The following KCNJ16 variants were observed in gnomAD, a reference collection of about 807,000 sequenced individuals.
KCNJ16 encodes potassium inwardly rectifying channel subfamily J member 16, also known as inward rectifier potassium channel 16.
A neutral mutation model predicts 18.5 loss-of-function variants in KCNJ16; 15 were observed. The observed-to-expected ratio is 0.81, with a 90% CI of 0.54 to 1.25. The LOEUF (loss-of-function observed/expected upper bound fraction) is 1.25. Ranked by LOEUF, KCNJ16 falls within the 50% of genes most tolerant of loss-of-function variation. The probability of loss-of-function intolerance (pLI) is 0.00; values close to 1 mark genes in which losing one functional copy is unlikely to be tolerated. For synonymous variants in KCNJ16, 174 were observed against 186.5 expected, an observed-to-expected ratio of 0.93 and a Z score of 0.55; for missense variants, 523 against 525.7, an observed-to-expected ratio of 0.99 and a Z score of 0.05.
At chr17:70,099,810 A>T (rs1442356077) in intron 1 of KCNJ16, among the ~76,000 whole-genome samples, 1 of 152,188 alleles carries the variant, frequency 6.6e-6, no homozygotes, top group Non-Finnish European at 1.5e-5. Flanking sequence ...ATTAAGCCTC[A>T]CTGTTAAGTT....
At chr17:70,126,992 T>G (rs1419635831) in intron 2 of KCNJ16, among the ~76,000 whole-genome samples, 2 of 152,192 alleles carry the variant, frequency 1.3e-5, no homozygotes, top group Admixed American at 6.5e-5. Flanking sequence ...ATACACTGGA[T>G]TTCTTCCCAG....
chr17:70,119,907 C>A (rs1220776908), intron 2 of KCNJ16, among the ~76,000 whole-genome samples: 1 of 152,192 alleles, frequency 6.6e-6, no homozygotes, highest in Non-Finnish European at 1.5e-5. Flanking sequence ...CCCCAAAAAG[C>A]CTTTCCTTTT....
chr17:70,130,648 A>G (rs530913538), intron 2 of KCNJ16, among the ~76,000 whole-genome samples: 21 of 152,320 alleles, frequency 1.4e-4, no homozygotes, highest in Admixed American at 1.1e-3. Context: ...GGTGCTGAAC[A>G]CATATTTAGT....
At chr17:70,105,818 G>A (rs1037381318) in intron 2 of KCNJ16, among the ~76,000 whole-genome samples, 1 of 152,194 alleles carries the variant, frequency 6.6e-6, no homozygotes, top group African/African-American at 2.4e-5. Context: ...TTCACTAGAA[G>A]AAGTGGCACA....
At chr17:70,123,150 C>G (rs369017789) in intron 2 of KCNJ16, among the ~76,000 whole-genome samples, 6 of 152,168 alleles carry the variant, frequency 3.9e-5, no homozygotes, top group Non-Finnish European at 8.8e-5. Context: ...CAAATCTTTA[C>G]CTACGAGATA....
At chr17:70,105,061 T>G (rs1352726839) in intron 2 of KCNJ16, 1 of 152,600 alleles carries the variant, frequency 6.6e-6, no homozygotes, top group Non-Finnish European at 1.5e-5. Flanking sequence ...CTGCACTTCA[T>G]CATCTTTCAC....
intron 1 of KCNJ16, among the ~76,000 whole-genome samples, chr17:70,076,526 C>T (rs1162444079): frequency 1.3e-5 from 2 of 152,038 alleles, no homozygotes; most frequent in East Asian, 1.9e-4. Context: ...TTTTAGAACA[C>T]GATAATTGTG....
intron 2 of KCNJ16, among the ~76,000 whole-genome samples, chr17:70,119,395 T>C (rs1404980111): frequency 6.6e-6 from 1 of 152,146 alleles, no homozygotes; most frequent in Non-Finnish European, 1.5e-5. Flanking sequence ...CTCCCACCCA[T>C]GTTTCCCCTC....
chr17:70,081,916 T>A (rs1323271721), intron 1 of KCNJ16, among the ~76,000 whole-genome samples: 1 of 152,180 alleles, frequency 6.6e-6, no homozygotes, highest in Admixed American at 6.6e-5. Flanking sequence ...TGGACCTGGT[T>A]ATTTTAGACA....
intron 1 of KCNJ16, among the ~76,000 whole-genome samples, chr17:70,080,864 C>A (rs724589): frequency 0.74 from 112,884 of 152,072 alleles, 42,193 homozygotes; most frequent in East Asian, 0.99. Context: ...ATGGCTGGAC[C>A]TCAAAATTGT....
chr17:70,116,210 T>C (rs905028896), intron 2 of KCNJ16, among the ~76,000 whole-genome samples: 4 of 152,194 alleles, frequency 2.6e-5, no homozygotes, highest in African/African-American at 7.2e-5. Flanking sequence ...AGAGTTTTTA[T>C]AGCCCTGTTT....
At chr17:70,084,794 C>T (rs750723921) in intron 1 of KCNJ16, among the ~76,000 whole-genome samples, 1 of 151,990 alleles carries the variant, frequency 6.6e-6, no homozygotes, top group African/African-American at 2.4e-5. Context: ...ATGACAGATA[C>T]GTTAAGAAAC....
In KCNJ16 at chr17:70,135,004, T is replaced by TC. The variant is rs1382280747; in HGVS notation, c.*1663dup. 4 of 142,758 alleles carry TC rather than the reference T, an allele frequency of 2.8e-5. No individual in the cohort carries two copies. Among genetic ancestry groups the TC allele is most frequent in the Non-Finnish European group, 4.7e-5 (3 of 63,766 alleles). 8.8% of individuals were successfully genotyped at this position (142,758 alleles called of 1,614,324 possible). ...CTCATCCTTCCCTTTCTCCTTCTTT[T>TC]CCCTTTTTTTTTTTTTTTTGACCTG... On this transcript the variant is annotated 3_prime_UTR_variant, in exon 4 of 4. Coordinates refer to ENST00000392671, the MANE Select transcript of KCNJ16 (RefSeq NM_170741.4).
chr17:70,095,003 C>T (rs1468604511), intron 1 of KCNJ16, among the ~76,000 whole-genome samples: 1 of 151,960 alleles, frequency 6.6e-6, no homozygotes, highest in Admixed American at 6.5e-5. Context: ...TATTGGCTAA[C>T]AGACAGACTT....
intron 2 of KCNJ16, among the ~76,000 whole-genome samples, chr17:70,106,247 GA>G (rs1302108961): frequency 6.6e-6 from 1 of 152,148 alleles, no homozygotes; most frequent in Non-Finnish European, 1.5e-5. Flanking sequence ...TAGAAGTTCT[GA>G]AAGTCTACAA....
intron 1 of KCNJ16, among the ~76,000 whole-genome samples, chr17:70,093,382 T>C (rs1300805661): frequency 6.6e-6 from 1 of 152,200 alleles, no homozygotes; most frequent in Non-Finnish European, 1.5e-5. Context: ...TCCTTCCTTG[T>C]AGCAGTGCAA....
intron 1 of KCNJ16, among the ~76,000 whole-genome samples, chr17:70,080,073 T>A (rs2071487995): frequency 6.6e-6 from 1 of 152,164 alleles, no homozygotes; most frequent in Non-Finnish European, 1.5e-5. Context: ...TTTTTTAAAT[T>A]GAGGTAAAGA....
intron 1 of KCNJ16, among the ~76,000 whole-genome samples, chr17:70,098,279 T>C (rs938723461): frequency 6.6e-6 from 1 of 152,132 alleles, no homozygotes; most frequent in African/African-American, 2.4e-5. Context: ...CAGAATGGAT[T>C]CACTGGAGAA....
At chr17:70,117,349 T>C (rs1048327677) in intron 2 of KCNJ16, among the ~76,000 whole-genome samples, 1 of 152,058 alleles carries the variant, frequency 6.6e-6, no homozygotes, top group Non-Finnish European at 1.5e-5. Context: ...AACCTCAGCA[T>C]CACACCAAAC....
Sources: allele counts gnomAD v4.1 joint callset (sites outside exome capture counted in the v4.1 genomes callset), GRCh38; gene constraint gnomAD v4.1.1; transcripts MANE v1.5; gene names NCBI Gene and HGNC (gene_info 2026-07-23, HGNC 2026-07-21).